SNRPE: variants seen among roughly 807,000 people sequenced by gnomAD.
The protein encoded by SNRPE is small nuclear ribonucleoprotein E.
For missense variants in SNRPE, 53 were observed against 111.6 expected, an observed-to-expected ratio of 0.48 and a Z score of 2.36; for synonymous variants, 35 against 36.7, an observed-to-expected ratio of 0.95 and a Z score of 0.17.
At chr1:203,867,723 C>G (rs531131471) in intron 4 of SNRPE, among the ~76,000 whole-genome samples, 133 of 152,258 alleles carry the variant, frequency 8.7e-4, no homozygotes, top group Middle Eastern at 3.4e-3. Context: ...TGAAGCTCCG[C>G]CACCTCGCCC....
intron 4 of SNRPE, among the ~76,000 whole-genome samples, chr1:203,868,553 TC>T (rs1226672860): frequency 6.6e-6 from 1 of 152,222 alleles, no homozygotes; most frequent in Admixed American, 6.5e-5. Context: ...AGGATTCTCT[TC>T]AACCTGAACT....
Position 203,863,102 on chromosome 1 carries a change from T to C in SNRPE, c.82-561T>C, listed in dbSNP as rs559153295. ...ATATGGGCTAATTAGTTAAAACTTT[T>C]GACTTACATTCATTACAATTTTTTT... On this transcript the variant is annotated intron_variant, in intron 2 of 4. Transcript: ENST00000414487. 7.3e-5 allele frequency among the ~76,000 whole-genome samples: 11 copies of C among 151,146 alleles called. No homozygotes were observed. The East Asian group carries it at 2.0e-3, about 27-fold the overall frequency.
At chr1:203,869,072 G>C (rs544689743) in intron 4 of SNRPE, among the ~76,000 whole-genome samples, 1 of 152,168 alleles carries the variant, frequency 6.6e-6, no homozygotes, top group Non-Finnish European at 1.5e-5. Context: ...TCCCATGGTA[G>C]TATTTATCCT....
chr1:203,863,216 C>T (rs1690011886), intron 2 of SNRPE, among the ~76,000 whole-genome samples: 1 of 150,978 alleles, frequency 6.6e-6, no homozygotes, highest in Admixed American at 6.6e-5. Context: ...GGAGATCTTG[C>T]TTAATGTTGC....
chr1:203,869,812 A>G, intron 4 of SNRPE, 65 bp from the exon 5 acceptor site: 4 of 1,142,014 alleles, frequency 3.5e-6, no homozygotes, highest in Non-Finnish European at 5.1e-6. Context: ...CTGGATACAA[A>G]ATTCTGAGAG....
chr1:203,869,289 C>CTTTTTTTTTTTTTTTTTTTTTTTTGTTTT (rs1690161835), intron 4 of SNRPE, among the ~76,000 whole-genome samples: 1 of 66,792 alleles, frequency 1.5e-5, no homozygotes, highest in Non-Finnish European at 2.6e-5. Flanking sequence ...AGGATGGAGT[C>CTTTTTTTTTTTTTTTTTTTTTTTTGTTTT]TTTTTTTTTT....
chr1:203,862,169 AT>A (rs780594557), intron 1 of SNRPE, 26 bp from the exon 2 acceptor site: 7 of 1,595,220 alleles, frequency 4.4e-6, no homozygotes, highest in Non-Finnish European at 6.0e-6. Context: ...CTGCTTTTGT[AT>A]TTTTTCCTTA....
chr1:203,866,403 C>T (rs977513976), intron 4 of SNRPE, among the ~76,000 whole-genome samples: 2 of 152,234 alleles, frequency 1.3e-5, no homozygotes, highest in Non-Finnish European at 2.9e-5. Flanking sequence ...GCCCTCCTGT[C>T]ATTCAGTATT....
Position 203,863,739 on chromosome 1 carries a change from C to T in SNRPE, c.144+14C>T, listed in dbSNP as rs774896984. 64 of 1,544,534 alleles carry T rather than the reference C, an allele frequency of 4.1e-5. 2 individuals carry two copies. The South Asian group carries it at 6.7e-4, about 16-fold the overall frequency. On this transcript the variant is annotated intron_variant, in intron 3 of 4. Transcript: ENST00000414487. ...GGCTGTATCATTGTGAGTATCCAGG[C>T]GATTTCATCTCATAGCAGTTCGGTC...
At chr1:203,867,121 A>ACG (rs58916106) in intron 4 of SNRPE, among the ~76,000 whole-genome samples, 1 of 134,396 alleles carries the variant, frequency 7.4e-6, no homozygotes, top group African/African-American at 2.6e-5. Context: ...AAAAAAAAAA[A>ACG]AAAAAAAAAT....
At chr1:203,863,610 C>A (rs890648837) in intron 2 of SNRPE, 53 bp from the exon 3 acceptor site, 3 of 1,345,382 alleles carry the variant, frequency 2.2e-6, no homozygotes, top group Non-Finnish European at 2.1e-6. Context: ...TGAGCCACCG[C>A]GCCCGGCCCT....
In SNRPE at chr1:203,869,289, C is replaced by CTTTTTTTTTTTTT. The variant is rs564988259; in HGVS notation, c.224-566_224-554dup. Among the ~76,000 whole-genome samples, 26 of 66,812 alleles carry CTTTTTTTTTTTTT rather than the reference C, an allele frequency of 3.9e-4. 1 individual carries two copies. Among genetic ancestry groups the CTTTTTTTTTTTTT allele is most frequent in the East Asian group, 5.1e-4 (1 of 1,968 alleles). The allele number at this position is 66,812 out of a possible 152,430, so 43.8% of individuals were successfully genotyped here. A position where few individuals can be genotyped will look rare whatever the true frequency, so the allele number is the denominator to read the frequency against. ...AGGTTTGTTTATTGTAGGATGGAGTCTTTTTTTTTTTTTTTTTTTTTTTTT... is the reference window on the plus strand; with the variant it reads ...AGGTTTGTTTATTGTAGGATGGAGTCTTTTTTTTTTTTTTTTTTTTTTTTTTTTTTTTTTTTTT... On this transcript the variant is annotated intron_variant, in intron 4 of 4. Coordinates refer to ENST00000414487, the MANE Select transcript of SNRPE (RefSeq NM_003094.4).
chr1:203,864,920 G>GT, intron 3 of SNRPE, 121 bp from the exon 4 acceptor site: 1 of 920,928 alleles, frequency 1.1e-6, no homozygotes, highest in Non-Finnish European at 1.5e-6. Context: ...GGAAGGTGGG[G>GT]TGGGGCTTGA....
At chr1:203,869,157 A>G (rs962393256) in intron 4 of SNRPE, among the ~76,000 whole-genome samples, 7 of 152,214 alleles carry the variant, frequency 4.6e-5, no homozygotes, top group African/African-American at 1.4e-4. Context: ...GAGTTGATCA[A>G]CGTGTCTCAA....
intron 2 of SNRPE, among the ~76,000 whole-genome samples, chr1:203,863,432 T>C (rs1192654430): frequency 1.3e-5 from 2 of 151,998 alleles, no homozygotes; most frequent in African/African-American, 2.4e-5. Context: ...ATTCTCCTGC[T>C]TCAGCGTCCC....
At chr1:203,868,449 T>G (rs6696091) in intron 4 of SNRPE, among the ~76,000 whole-genome samples, 98,642 of 151,752 alleles carry the variant, frequency 0.65, 32,123 homozygotes, top group East Asian at 0.75. Flanking sequence ...TCCCATTCAC[T>G]TGAGGTTTAT....
At position 203,861,727 on chromosome 1, in the gene SNRPE, G is replaced by T; in HGVS notation, c.54+14G>T. ...GTGCAGCCCATCGTATCCTACGCAG[G>T]ATGTCAGGACTAGGAGGTTCGGGTC... On this transcript the variant is annotated intron_variant, in intron 1 of 4. Transcript: ENST00000414487. 1.2e-6 allele frequency: 2 copies of T among 1,601,180 alleles called. No individual in the cohort carries two copies. The highest frequency in any genetic ancestry group is 1.7e-6 in the Non-Finnish European group (2 of 1,168,134).
chr1:203,864,279 G>GA (rs199662156), intron 3 of SNRPE, among the ~76,000 whole-genome samples: 18 of 150,160 alleles, frequency 1.2e-4, no homozygotes, highest in Admixed American at 3.3e-4. Context: ...AAAATTATTC[G>GA]AAAAAAAAAT....
chr1:203,866,347 T>C (rs1690088014), intron 4 of SNRPE, among the ~76,000 whole-genome samples: 1 of 152,228 alleles, frequency 6.6e-6, no homozygotes, highest in South Asian at 2.1e-4. Context: ...ATATATTCAT[T>C]CTTGGGACCC....
Sources: allele counts gnomAD v4.1 joint callset (sites outside exome capture counted in the v4.1 genomes callset), GRCh38; gene constraint gnomAD v4.1.1; transcripts MANE v1.5; gene names NCBI Gene and HGNC (gene_info 2026-07-23, HGNC 2026-07-21).